Variants in PKD1L1 observed in about 807,000 individuals in gnomAD.
The protein encoded by PKD1L1 is polycystin-1-like protein 1.
Under a neutral mutation model 323.4 loss-of-function variants are expected in PKD1L1, and 236 were observed. The ratio of observed to expected loss-of-function variants is 0.73; its 90% CI spans 0.66 to 0.81. The LOEUF (loss-of-function observed/expected upper bound fraction) is 0.81, where lower values mean the gene tolerates loss of function less well. Among genes scored for constraint, PKD1L1 ranks in the 40% least tolerant of loss-of-function variants. PKD1L1 has a pLI of 0.00. For synonymous variants in PKD1L1, 1,344 were observed against 1,335.0 expected, an observed-to-expected ratio of 1.01 and a Z score of -0.15; for missense variants, 3,320 against 3,508.0, an observed-to-expected ratio of 0.95 and a Z score of 1.35.
chr7:47,837,584 C>T (rs1380826575), intron 36 of PKD1L1, among the ~76,000 whole-genome samples: 1 of 152,086 alleles, frequency 6.6e-6, no homozygotes, highest in Non-Finnish European at 1.5e-5. Context: ...CTTCATATTC[C>T]TAAGAGACTT....
chr7:47,891,804 G>A (rs1786825254), intron 15 of PKD1L1, among the ~76,000 whole-genome samples: 1 of 152,208 alleles, frequency 6.6e-6, no homozygotes, highest in Admixed American at 6.5e-5. Context: ...AGGGCATGCG[G>A]ATGTGAAGAT....
chr7:47,936,825 C>T (rs374203425), intron 4 of PKD1L1, 21 bp downstream of exon 4: 399 of 1,527,768 alleles, frequency 2.6e-4, no homozygotes, highest in Admixed American at 3.4e-4. Context: ...AGCAATATTT[C>T]GCCATGGTAC....
chr7:47,797,669 G>T (rs1784573137), intron 54 of PKD1L1, among the ~76,000 whole-genome samples: 2 of 152,110 alleles, frequency 1.3e-5, no homozygotes, highest in Non-Finnish European at 2.9e-5. Flanking sequence ...TCAACATAAT[G>T]CCCACTTGAC....
chr7:47,873,468 G>GA (rs1380951074), intron 24 of PKD1L1, among the ~76,000 whole-genome samples: 2 of 151,870 alleles, frequency 1.3e-5, no homozygotes, highest in African/African-American at 4.8e-5. Context: ...CCAACATGGT[G>GA]AAACCCCATC....
intron 54 of PKD1L1, 132 bp from the exon 55 acceptor site, chr7:47,796,282 A>AT (rs1285015144): frequency 3.2e-6 from 3 of 942,258 alleles, no homozygotes; most frequent in Non-Finnish European, 4.5e-6. Flanking sequence ...TAAAATAGTG[A>AT]TTTCTTGGTG....
intron 19 of PKD1L1, among the ~76,000 whole-genome samples, chr7:47,883,611 T>C (rs1307761611): frequency 6.6e-6 from 1 of 152,174 alleles, no homozygotes; most frequent in East Asian, 1.9e-4. Context: ...TTCTCTCCTC[T>C]GTGGCTGCAC....
intron 16 of PKD1L1, 109 bp downstream of exon 16, chr7:47,890,433 C>T (rs1786786062): frequency 1.8e-6 from 2 of 1,138,788 alleles, no homozygotes; most frequent in Non-Finnish European, 2.5e-6. Flanking sequence ...TCCTGCATGG[C>T]CAAACTCCAA....
rs17131893 is a variant in PKD1L1, at chr7:47,880,627, G to A, written c.3520+101C>T. ...AAAAAGGCAACTGCTTAGCCTTTACGCTGATGTAGACCTGCACCCCATTCC... is the reference window on the plus strand; with the variant it reads ...AAAAAGGCAACTGCTTAGCCTTTACACTGATGTAGACCTGCACCCCATTCC... On this transcript the variant is annotated intron_variant, in intron 21 of 56. Transcript: ENST00000289672. 11 of 817,026 alleles carry A rather than the reference G, an allele frequency of 1.3e-5. No individual in the cohort carries two copies. In the Middle Eastern group the frequency reaches 7.9e-4, roughly 59 times the overall value. The allele number at this position is 817,026 out of a possible 1,614,324, so 50.6% of individuals were successfully genotyped here.
Position 47,880,807 on chromosome 7 carries a change from T to C in PKD1L1, c.3443-2A>G. ...TTGTCACTGTCTGTTCTGTAATACC[T>C]GCAGAAAAGACATGGCTGCATGGAA... On this transcript the variant is annotated splice_acceptor_variant, in intron 20 of 56. Transcript: ENST00000289672. LOFTEE classifies it high-confidence loss of function. 1 of 1,598,290 alleles carries C rather than the reference T, an allele frequency of 6.3e-7. No individual in the cohort carries two copies. The highest frequency in any genetic ancestry group is 1.7e-5 in the Admixed American group (1 of 59,004).
chr7:47,930,811 T>C (rs1787753852), intron 6 of PKD1L1, among the ~76,000 whole-genome samples: 2 of 151,922 alleles, frequency 1.3e-5, no homozygotes, highest in Admixed American at 6.6e-5. Flanking sequence ...CGAGACTCTG[T>C]CAAAAAAACA....
chr7:47,904,249 C>G (rs1022204642), intron 12 of PKD1L1, 129 bp downstream of exon 12: 10 of 1,279,066 alleles, frequency 7.8e-6, no homozygotes, highest in African/African-American at 2.9e-5. Context: ...TTATTTGTCT[C>G]TGTGTAATCA....
chr7:47,948,501 TGGAA>T (rs1209169158), upstream of PKD1L1: 1 of 1,533,288 alleles, frequency 6.5e-7, no homozygotes, highest in African/African-American at 1.4e-5. Context: ...CTACATCCTC[TGGAA>T]GACAAAGAAA....
At chr7:47,936,732 C>A in intron 4 of PKD1L1, 114 bp downstream of exon 4, 1 of 793,792 alleles carries the variant, frequency 1.3e-6, no homozygotes, top group Non-Finnish European at 2.0e-6. Context: ...TGCTAACCCA[C>A]CCTCGGGCCA....
chr7:47,852,898 G>A (rs1785813052), intron 31 of PKD1L1, among the ~76,000 whole-genome samples: 1 of 152,082 alleles, frequency 6.6e-6, no homozygotes, highest in African/African-American at 2.4e-5. Flanking sequence ...GGAAGAGATG[G>A]GTAGGGCAGT....
intron 7 of PKD1L1, among the ~76,000 whole-genome samples, chr7:47,916,836 G>A (rs1390400955): frequency 1.3e-5 from 2 of 152,190 alleles, no homozygotes; most frequent in African/African-American, 4.8e-5. Context: ...ACAGCCTTCA[G>A]CCCTAGACCT....
At chr7:47,945,815 C>T (rs1788082219) in intron 1 of PKD1L1, among the ~76,000 whole-genome samples, 1 of 152,158 alleles carries the variant, frequency 6.6e-6, no homozygotes, top group Admixed American at 6.5e-5. Flanking sequence ...CTCCCAGACA[C>T]CCCCACAACA....
intron 39 of PKD1L1, 77 bp downstream of exon 39, chr7:47,834,890 T>C (rs928175069): frequency 8.1e-6 from 10 of 1,241,526 alleles, no homozygotes; most frequent in African/African-American, 1.5e-5. Context: ...AAACAGAAGA[T>C]ACAATTTCTA....
rs1381517180 is a variant in PKD1L1 at position 47,902,466 on chromosome 7, A to G, written c.1977T>C (p.Ser659=). 7 of 1,613,978 alleles carry G rather than the reference A, an allele frequency of 4.3e-6. No individual in the cohort carries two copies. The highest frequency in any genetic ancestry group is 5.9e-6 in the Non-Finnish European group (7 of 1,179,928). ...TVEVLAFNNV[S]ASTLRQQLFI... ...AAAGTTGCTGTCTTAGAGTGGAGGC[A>G]CTGACATTATTGAAGGCAAGGACCT... is the stretch of plus-strand genomic sequence containing the variant. The change falls in exon 13 of 57, where the codon AGT becomes AGC. Residue 659 remains serine, a synonymous_variant. Coordinates refer to ENST00000289672, the MANE Select transcript of PKD1L1 (RefSeq NM_138295.5).
chr7:47,789,221 G>T (rs1786883637), intron 56 of PKD1L1, among the ~76,000 whole-genome samples: 1 of 152,120 alleles, frequency 6.6e-6, no homozygotes, highest in South Asian at 2.1e-4. Context: ...AAACCATCTG[G>T]GACTGGTGCT....
Sources: gnomAD v4.1 joint callset for allele counts (sites outside exome capture counted in the v4.1 genomes callset) on GRCh38, gnomAD v4.1.1 for gene constraint, MANE v1.5 for transcripts, NCBI Gene and HGNC (gene_info 2026-07-23, HGNC 2026-07-21) for gene names.